TMEM108: variants seen among roughly 807,000 people sequenced by gnomAD.
TMEM108 encodes the protein transmembrane protein 108, also known as cancer/testis antigen 124.
Under a neutral mutation model 35.1 loss-of-function variants are expected in TMEM108, and 12 were observed. The ratio of observed to expected loss-of-function variants is 0.34; its 90% CI spans 0.22 to 0.55. The LOEUF (loss-of-function observed/expected upper bound fraction) is 0.55. Among genes scored for constraint, TMEM108 ranks in the 20% least tolerant of loss-of-function variants. TMEM108 has a pLI of 0.89. For synonymous variants in TMEM108, 287 were observed against 308.6 expected (o/e 0.93, Z 0.73); for missense variants, 680 against 753.3 (o/e 0.90, Z 1.14).
chr3:133,308,150 G>C (rs538977654), intron 3 of TMEM108, among the ~76,000 whole-genome samples: 1 of 152,052 alleles, frequency 6.6e-6, no homozygotes, highest in Non-Finnish European at 1.5e-5. Context: ...CTCATGATTT[G>C]GCTCTCTGTT....
intron 2 of TMEM108, among the ~76,000 whole-genome samples, chr3:133,165,496 A>G (rs1014199761): frequency 2.6e-5 from 4 of 151,720 alleles, no homozygotes; most frequent in Non-Finnish European, 4.4e-5. Context: ...GTAAGTGGAG[A>G]AAAAAAAAGA....
At chr3:133,302,481 T>G (rs1480500451) in intron 3 of TMEM108, among the ~76,000 whole-genome samples, 1 of 144,036 alleles carries the variant, frequency 6.9e-6, no homozygotes. Flanking sequence ...AATGCAGTGG[T>G]GTGATCTCGG....
rs191965777 is a variant in TMEM108 at position 133,154,072 on chromosome 3, C to T, written c.-46-75194C>T. On this transcript the variant is annotated intron_variant, in intron 2 of 5. Transcript: ENST00000321871. ...AAAAAAATTTTCATGTGTTTTTTGG[C>T]TGCATAAATGTCTTCTTTTGAGAAG... 2.1e-3 allele frequency among the ~76,000 whole-genome samples: 315 copies of T among 151,652 alleles called. 3 individuals carry two copies. Among genetic ancestry groups the T allele is most frequent in the African/African-American group, 7.1e-3 (292 of 41,348 alleles).
At chr3:133,038,627 C>T (rs1246824631) in intron 1 of TMEM108, among the ~76,000 whole-genome samples, 192 bp downstream of exon 1, 1 of 152,170 alleles carries the variant, frequency 6.6e-6, no homozygotes, top group East Asian at 1.9e-4. Flanking sequence ...CCATCCTCCC[C>T]ACTGCGTGAC....
intron 3 of TMEM108, among the ~76,000 whole-genome samples, chr3:133,342,557 C>CATATATATATATATATATAT (rs1559913959): frequency 2.2e-5 from 1 of 44,776 alleles, no homozygotes; most frequent in South Asian, 8.8e-4. Flanking sequence ...TATATATATA[C>CATATATATATATATATATAT]ACACACACAC....
At chr3:133,201,676 A>C (rs976368462) in intron 2 of TMEM108, among the ~76,000 whole-genome samples, 1 of 152,156 alleles carries the variant, frequency 6.6e-6, no homozygotes, top group African/African-American at 2.4e-5. Flanking sequence ...TATATGTGCC[A>C]CATTTTCTTT....
In TMEM108 at chr3:133,318,946, A is replaced by G. The variant is rs375927263; in HGVS notation, c.41-60806A>G. On this transcript the variant is annotated intron_variant, in intron 3 of 5. Transcript: ENST00000321871. Reference sequence around the variant, plus strand: ...AAAAAAAAAAACTCAGGGGAAGTGTATAGCCTGGGGCTAGGTCTGAGTCCT... The same window carrying G: ...AAAAAAAAAAACTCAGGGGAAGTGTGTAGCCTGGGGCTAGGTCTGAGTCCT... Among the ~76,000 whole-genome samples the G allele has an allele frequency of 2.2e-5, 3 of 137,908 alleles. No homozygotes were observed. In the South Asian group the frequency reaches 6.8e-4, roughly 31 times the overall value. 90.5% of individuals were successfully genotyped at this position (137,908 alleles called of 152,430 possible).
chr3:133,348,754 C>G (rs566970993), intron 3 of TMEM108, among the ~76,000 whole-genome samples: 1 of 152,072 alleles, frequency 6.6e-6, no homozygotes, highest in Non-Finnish European at 1.5e-5. Context: ...TCCAACAGTC[C>G]AAGAAATTCG....
intron 4 of TMEM108, chr3:133,389,290 A>G (rs2073197989): frequency 2.0e-6 from 2 of 985,468 alleles, no homozygotes; most frequent in Middle Eastern, 5.2e-4. Flanking sequence ...ACAGGGTCAC[A>G]TGTCACACTG....
chr3:133,354,394 A>G (rs2072098643), intron 3 of TMEM108, among the ~76,000 whole-genome samples: 1 of 152,186 alleles, frequency 6.6e-6, no homozygotes, highest in Non-Finnish European at 1.5e-5. Flanking sequence ...TAGCCACATT[A>G]CAGGGGCACA....
At chr3:133,197,510 A>G (rs1305602225) in intron 2 of TMEM108, among the ~76,000 whole-genome samples, 2 of 152,152 alleles carry the variant, frequency 1.3e-5, no homozygotes, top group African/African-American at 4.8e-5. Context: ...CACCCAAAGT[A>G]TGGAAGGTAG....
At chr3:133,101,029 A>G (rs1319415310) in intron 2 of TMEM108, among the ~76,000 whole-genome samples, 2 of 152,342 alleles carry the variant, frequency 1.3e-5, no homozygotes, top group African/African-American at 2.4e-5. Flanking sequence ...TGAAATATCC[A>G]TCATTTAGAT....
chr3:133,129,300 G>A lies in TMEM108; in HGVS notation c.-47+83280G>A, dbSNP rs541019678. On this transcript the variant is annotated intron_variant, in intron 2 of 5. Transcript: ENST00000321871. The stretch of plus-strand genomic sequence containing the variant: ...AGGGGCTGCAGTGAGCATCGAGATC[G>A]TACCACTGCACTCCAGCCTGGGTGA... Among the ~76,000 whole-genome samples the A allele has an allele frequency of 1.1e-4, 17 of 150,980 alleles. No homozygotes were observed. The South Asian group carries it at 2.3e-3, about 21-fold the overall frequency.
At chr3:133,282,218 A>C (rs916425016) in intron 3 of TMEM108, among the ~76,000 whole-genome samples, 5 of 152,194 alleles carry the variant, frequency 3.3e-5, no homozygotes, top group Admixed American at 2.6e-4. Context: ...AAAAATTTTG[A>C]TTTTGACTCC....
At chr3:133,282,740 A>T (rs1946932387) in intron 3 of TMEM108, among the ~76,000 whole-genome samples, 1 of 152,180 alleles carries the variant, frequency 6.6e-6, no homozygotes, top group Admixed American at 6.5e-5. Flanking sequence ...ATGCCTCTTT[A>T]TGAAAGGTGA....
intron 2 of TMEM108, among the ~76,000 whole-genome samples, chr3:133,139,388 A>G (rs1293598784): frequency 1.3e-5 from 2 of 152,224 alleles, no homozygotes; most frequent in African/African-American, 4.8e-5. Flanking sequence ...TTGATTTTCT[A>G]CTAACTTTTT....
intron 3 of TMEM108, among the ~76,000 whole-genome samples, chr3:133,293,185 A>G (rs1329681507): frequency 6.6e-6 from 1 of 151,982 alleles, no homozygotes; most frequent in Non-Finnish European, 1.5e-5. Flanking sequence ...CATTTAAACC[A>G]TCTGCCATTC....
intron 2 of TMEM108, among the ~76,000 whole-genome samples, chr3:133,196,455 A>G (rs189683885): frequency 3.3e-5 from 5 of 152,324 alleles, no homozygotes; most frequent in African/African-American, 1.2e-4. Context: ...TCAAATGATG[A>G]TGGTGGCCAT....
chr3:133,099,984 A>C (rs1056243673), intron 2 of TMEM108, among the ~76,000 whole-genome samples: 23 of 152,116 alleles, frequency 1.5e-4, no homozygotes, highest in African/African-American at 5.6e-4. Flanking sequence ...TCCTGGTACT[A>C]ATTTATGGTA....
Sources: allele counts gnomAD v4.1 joint callset (sites outside exome capture counted in the v4.1 genomes callset), GRCh38; gene constraint gnomAD v4.1.1; transcripts MANE v1.5; gene names NCBI Gene and HGNC (gene_info 2026-07-23, HGNC 2026-07-21).